The following TMEM232 variants were observed in gnomAD, a reference collection of about 807,000 sequenced individuals.
TMEM232 encodes the protein transmembrane protein 232.
Under a neutral mutation model 78.8 loss-of-function variants are expected in TMEM232, and 80 were observed. The ratio of observed to expected loss-of-function variants is 1.01; its 90% CI spans 0.85 to 1.22. The LOEUF is 1.22. Ranked by LOEUF, TMEM232 falls within the 50% of genes most tolerant of loss-of-function variation. The pLI, the probability that TMEM232 is intolerant of heterozygous loss-of-function variation, is 0.00. For synonymous variants in TMEM232, 297 were observed against 254.3 expected, an observed-to-expected ratio of 1.17 and a Z score of -1.60; for missense variants, 881 against 742.2, an observed-to-expected ratio of 1.19 and a Z score of -2.17.
chr5:110,593,220 G>A (rs1779743812), intron 10 of TMEM232, among the ~76,000 whole-genome samples: 1 of 152,126 alleles, frequency 6.6e-6, no homozygotes, highest in African/African-American at 2.4e-5. Context: ...GCCATTATAG[G>A]TAAAAAGAAC....
At chr5:110,446,109 T>C (rs1759618400) in intron 12 of TMEM232, among the ~76,000 whole-genome samples, 1 of 152,086 alleles carries the variant, frequency 6.6e-6, no homozygotes, top group Admixed American at 6.6e-5. Flanking sequence ...AATGTCAGTA[T>C]CTATAGGCCT....
At chr5:110,431,441 C>T (rs958376487) in intron 12 of TMEM232, among the ~76,000 whole-genome samples, 3 of 151,604 alleles carry the variant, frequency 2.0e-5, no homozygotes, top group Non-Finnish European at 4.4e-5. Flanking sequence ...AATGCTCTGC[C>T]ATCAATCAAG....
intron 2 of TMEM232, among the ~76,000 whole-genome samples, chr5:110,402,912 A>G (rs1318532207): frequency 6.6e-6 from 1 of 152,108 alleles, no homozygotes; most frequent in Non-Finnish European, 1.5e-5. Flanking sequence ...GAAGGTTGCC[A>G]AAGAGACAGC....
chr5:110,584,745 G>C (rs186518695), intron 10 of TMEM232, among the ~76,000 whole-genome samples: 2 of 152,120 alleles, frequency 1.3e-5, no homozygotes, highest in Non-Finnish European at 2.9e-5. Context: ...AAAACATTCT[G>C]AAGCATGCTG....
At chr5:110,434,814 A>T (rs1403559501) in intron 12 of TMEM232, among the ~76,000 whole-genome samples, 1 of 151,946 alleles carries the variant, frequency 6.6e-6, no homozygotes, top group East Asian at 1.9e-4. Flanking sequence ...CAAGTCAATA[A>T]ATGATTCATC....
At chr5:110,664,283 G>A (rs1790254655) in intron 2 of TMEM232, among the ~76,000 whole-genome samples, 1 of 152,090 alleles carries the variant, frequency 6.6e-6, no homozygotes, top group Non-Finnish European at 1.5e-5. Flanking sequence ...GAATTTTTCA[G>A]CCATTAAAAT....
rs1481089812 is a variant in TMEM232 at position 110,645,123 on chromosome 5, G to A, written c.126-2752C>T. ...ACAAAGAAAAGCCCAGGACCAGGTGGTTTCATGGTTGAATTCAAGCAAACA... is the reference window on the plus strand; with the variant it reads ...ACAAAGAAAAGCCCAGGACCAGGTGATTTCATGGTTGAATTCAAGCAAACA... On this transcript the variant is annotated intron_variant, in intron 2 of 13. Transcript: ENST00000455884. 2.0e-5 allele frequency among the ~76,000 whole-genome samples: 3 copies of A among 151,532 alleles called. 1 individual carries two copies. The highest frequency in any genetic ancestry group is 6.6e-5 in the Admixed American group (1 of 15,160).
chr5:110,485,990 A>AT (rs369230459), intron 12 of TMEM232, among the ~76,000 whole-genome samples: 2,828 of 149,240 alleles, frequency 0.019, 43 homozygotes, highest in African/African-American at 0.034. Context: ...CTGTTTTTCA[A>AT]TTTTTTTTTT....
intron 2 of TMEM232, among the ~76,000 whole-genome samples, chr5:110,664,518 T>G (rs1790288916): frequency 6.6e-6 from 1 of 152,196 alleles, no homozygotes; most frequent in African/African-American, 2.4e-5. Context: ...CTGTATCTCT[T>G]GAAGTATTCT....
intron 2 of TMEM232, among the ~76,000 whole-genome samples, chr5:110,402,204 C>G (rs1479582283): frequency 6.6e-6 from 1 of 152,054 alleles, no homozygotes; most frequent in African/African-American, 2.4e-5. Context: ...CCGTTCTAAA[C>G]CCATCTGGAT....
intron 5 of TMEM232, among the ~76,000 whole-genome samples, chr5:110,633,619 T>G (rs1785436572): frequency 6.6e-6 from 1 of 152,178 alleles, no homozygotes; most frequent in African/African-American, 2.4e-5. Flanking sequence ...GTTCACCCTT[T>G]GCTCTCTCTT....
intron 1 of TMEM232, among the ~76,000 whole-genome samples, chr5:110,672,124 G>C (rs1791432728): frequency 6.6e-6 from 1 of 152,086 alleles, no homozygotes; most frequent in African/African-American, 2.4e-5. Context: ...TGAAGCTTTT[G>C]GCTATTTCTT....
intron 12 of TMEM232, among the ~76,000 whole-genome samples, chr5:110,461,455 T>C (rs1761519923): frequency 2.0e-5 from 3 of 152,146 alleles, no homozygotes; most frequent in African/African-American, 7.2e-5. Flanking sequence ...AATAAGTTGT[T>C]CCTATATCAT....
chr5:110,500,350 T>C (rs1289810597), intron 12 of TMEM232, among the ~76,000 whole-genome samples: 1 of 151,510 alleles, frequency 6.6e-6, no homozygotes, highest in African/African-American at 2.4e-5. Context: ...TAATTGAAAT[T>C]TTACAAAGTA....
At chr5:110,469,143 C>A (rs548519932) in intron 12 of TMEM232, among the ~76,000 whole-genome samples, 2 of 152,286 alleles carry the variant, frequency 1.3e-5, no homozygotes, top group African/African-American at 4.8e-5. Flanking sequence ...GGAGTCCATA[C>A]ATTTGTGCTT....
chr5:110,687,692 G>GTC (rs781757412), intron 1 of TMEM232, among the ~76,000 whole-genome samples: 9 of 151,508 alleles, frequency 5.9e-5, no homozygotes, highest in African/African-American at 1.7e-4. Flanking sequence ...CTTTCTCTTT[G>GTC]TCTCTCTCTC....
In TMEM232 at chr5:110,430,265, C is replaced by T. The variant is rs374686093; in HGVS notation, c.1704-5349G>A. On this transcript the variant is annotated intron_variant, in intron 12 of 13. Transcript: ENST00000455884. The stretch of plus-strand genomic sequence containing the variant: ...GAGCTTATTGCTCAAAGTTTTCTCT[C>T]GTTTAATTAGCTTTGTGGTATTATA... Among the ~76,000 whole-genome samples the T allele has an allele frequency of 7.3e-5, 11 of 151,490 alleles. No individual in the cohort carries two copies. In the East Asian group the frequency reaches 1.4e-3, roughly 19 times the overall value.
intron 1 of TMEM232, among the ~76,000 whole-genome samples, chr5:110,670,278 G>T (rs1320183659): frequency 6.6e-6 from 1 of 152,174 alleles, no homozygotes; most frequent in African/African-American, 2.4e-5. Context: ...AGTAACTTCA[G>T]CAAAGTCTCA....
intron 1 of TMEM232, among the ~76,000 whole-genome samples, chr5:110,708,804 A>C (rs1232333491): frequency 1.3e-5 from 2 of 152,162 alleles, no homozygotes; most frequent in Admixed American, 1.3e-4. Context: ...AAATAAAAAC[A>C]AAGACAGGAA....
Sources: allele counts gnomAD v4.1 joint callset (sites outside exome capture counted in the v4.1 genomes callset), GRCh38; gene constraint gnomAD v4.1.1; transcripts MANE v1.5; gene names NCBI Gene and HGNC (gene_info 2026-07-23, HGNC 2026-07-21).